Variants in USP12 observed in about 807,000 individuals in gnomAD.
USP12 encodes ubiquitin specific peptidase 12.
In USP12, 19 loss-of-function variants were observed where a neutral mutation model predicts 45.5. The ratio of observed to expected loss-of-function variants is 0.42; its 90% confidence interval spans 0.29 to 0.61. The LOEUF is 0.61. Among genes scored for constraint, USP12 ranks in the 20% least tolerant of loss-of-function variants. The pLI is 0.22. For synonymous variants in USP12, 149 were observed against 148.8 expected, an observed-to-expected ratio of 1.00 and a Z score of -0.01; for missense variants, 242 against 447.7, an observed-to-expected ratio of 0.54 and a Z score of 4.15.
chr13:27,117,054 A>G (rs1875779524), intron 1 of USP12, among the ~76,000 whole-genome samples: 1 of 152,222 alleles, frequency 6.6e-6, no homozygotes, highest in South Asian at 2.1e-4. Flanking sequence ...CACCCTGTAA[A>G]AAAAACTATC....
intron 8 of USP12, among the ~76,000 whole-genome samples, chr13:27,069,912 A>C (rs939583893): frequency 2.6e-5 from 4 of 152,204 alleles, no homozygotes; most frequent in Non-Finnish European, 4.4e-5. Flanking sequence ...GCACCCTTGC[A>C]CTCCAGCCTA....
At position 27,104,440 on chromosome 13, in the gene USP12, A is replaced by T. The variant is rs974556415; in HGVS notation, c.343+1291T>A. Among the ~76,000 whole-genome samples, 17 of 152,328 alleles carry T rather than the reference A, an allele frequency of 1.1e-4. No homozygotes were observed. In the South Asian group the frequency reaches 3.5e-3, roughly 32 times the overall value. On this transcript the variant is annotated intron_variant, in intron 3 of 8. Transcript: ENST00000282344. ...AAAACTTTTAAAGTTTTGTACAGAC[A>T]CACACAAAAAGACTGAGAAGACTTA...
intron 1 of USP12, among the ~76,000 whole-genome samples, chr13:27,138,773 T>C (rs1395242012): frequency 6.6e-6 from 1 of 152,218 alleles, no homozygotes; most frequent in East Asian, 1.9e-4. Flanking sequence ...AGTGTTTGCC[T>C]TTTCAGTTAT....
intron 1 of USP12, among the ~76,000 whole-genome samples, chr13:27,122,634 A>G (rs1876048224): frequency 6.6e-6 from 1 of 152,090 alleles, no homozygotes; most frequent in South Asian, 2.1e-4. Flanking sequence ...CCTGGATGAC[A>G]GAGTGAGACC....
At chr13:27,152,911 C>T (rs992578228) in intron 1 of USP12, among the ~76,000 whole-genome samples, 1 of 147,498 alleles carries the variant, frequency 6.8e-6, no homozygotes, top group African/African-American at 2.5e-5. Context: ...CACTGCACTC[C>T]AGCCTGGGTG....
intron 6 of USP12, among the ~76,000 whole-genome samples, chr13:27,086,080 G>C (rs1332098104): frequency 6.6e-6 from 1 of 150,560 alleles, no homozygotes; most frequent in African/African-American, 2.4e-5. Flanking sequence ...TGAGGTAGGA[G>C]GATCATTTAA....
intron 1 of USP12, among the ~76,000 whole-genome samples, chr13:27,165,347 T>C (rs1038416857): frequency 6.6e-6 from 1 of 152,212 alleles, no homozygotes; most frequent in Non-Finnish European, 1.5e-5. Flanking sequence ...GGGTATATAC[T>C]ACTAATAAAC....
chr13:27,154,140 C>T (rs887253706), intron 1 of USP12, among the ~76,000 whole-genome samples: 3 of 152,230 alleles, frequency 2.0e-5, no homozygotes. Context: ...AGGAAGCACA[C>T]AGCCTGAGGC....
intron 1 of USP12, among the ~76,000 whole-genome samples, chr13:27,136,610 C>G (rs1876816396): frequency 6.6e-6 from 1 of 152,140 alleles, no homozygotes; most frequent in South Asian, 2.1e-4. Context: ...TTTGTAGAGT[C>G]AACTCACGTT....
At chr13:27,089,669 C>T (rs1261501334) in intron 6 of USP12, 2 of 500,334 alleles carry the variant, frequency 4.0e-6, no homozygotes, top group African/African-American at 3.8e-5. Flanking sequence ...AATCGCTAGA[C>T]ATAGGAAATC....
chr13:27,103,598 C>CAAAA (rs376135830), intron 3 of USP12, among the ~76,000 whole-genome samples: 13 of 128,734 alleles, frequency 1.0e-4, no homozygotes, highest in African/African-American at 2.9e-4. Flanking sequence ...ATTGAACTAT[C>CAAAA]AAAAAAAAAA....
rs970462877 is a variant in USP12 at position 27,068,493 on chromosome 13, A to C, written c.*790T>G. 3 of 152,432 alleles carry C rather than the reference A, an allele frequency of 2.0e-5. No homozygotes were observed. Among genetic ancestry groups the C allele is most frequent in the Non-Finnish European group, 2.9e-5 (2 of 68,046 alleles). 9.4% of individuals were successfully genotyped at this position (152,432 alleles called of 1,614,324 possible). A position where few individuals can be genotyped will look rare whatever the true frequency, so the allele number is the denominator to read the frequency against. On this transcript the variant is annotated 3_prime_UTR_variant, in exon 9 of 9. Coordinates refer to ENST00000282344, the MANE Select transcript of USP12 (RefSeq NM_182488.4). ...AAATTAAAATTCACCTTAAAAATAG[A>C]AACAAACAAAAGGACAACTTAAACT... is the stretch of plus-strand genomic sequence containing the variant.
intron 1 of USP12, among the ~76,000 whole-genome samples, chr13:27,145,347 T>G (rs910083753): frequency 6.6e-6 from 1 of 152,176 alleles, no homozygotes; most frequent in Non-Finnish European, 1.5e-5. Flanking sequence ...AAACACACCT[T>G]ACCCATTTGG....
At chr13:27,142,228 T>C (rs1877097421) in intron 1 of USP12, among the ~76,000 whole-genome samples, 1 of 151,988 alleles carries the variant, frequency 6.6e-6, no homozygotes, top group Non-Finnish European at 1.5e-5. Context: ...CTGAATCTAA[T>C]CATGAAGAAA....
intron 3 of USP12, among the ~76,000 whole-genome samples, chr13:27,096,188 ACAACCATT>A (rs1188097860): frequency 6.6e-6 from 1 of 152,238 alleles, no homozygotes; most frequent in Non-Finnish European, 1.5e-5. Context: ...CAGAAGTTGG[ACAACCATT>A]TGCCAATGCC....
chr13:27,134,564 C>T (rs768519965), intron 1 of USP12, among the ~76,000 whole-genome samples: 7 of 151,924 alleles, frequency 4.6e-5, no homozygotes, highest in Non-Finnish European at 8.8e-5. Flanking sequence ...ACAAAATATA[C>T]TCTCTCAATT....
chr13:27,090,254 A>C, intron 4 of USP12, 96 bp from the exon 5 acceptor site: 3 of 976,480 alleles, frequency 3.1e-6, no homozygotes, highest in Non-Finnish European at 3.0e-6. Flanking sequence ...ATTATCAGTA[A>C]GTAAACAATT....
chr13:27,121,991 T>G (rs1392920272), intron 1 of USP12, among the ~76,000 whole-genome samples: 1 of 152,062 alleles, frequency 6.6e-6, no homozygotes, highest in African/African-American at 2.4e-5. Context: ...TAAAAAGAAC[T>G]AAATACAACT....
intron 2 of USP12, among the ~76,000 whole-genome samples, chr13:27,114,615 A>C (rs1026352129): frequency 6.6e-6 from 1 of 152,218 alleles, no homozygotes; most frequent in Non-Finnish European, 1.5e-5. Flanking sequence ...GTAAGCTGCC[A>C]TAAGAGCCAT....
Sources: gnomAD v4.1 joint callset for allele counts (sites outside exome capture counted in the v4.1 genomes callset) on GRCh38, gnomAD v4.1.1 for gene constraint, MANE v1.5 for transcripts, NCBI Gene and HGNC (gene_info 2026-07-23, HGNC 2026-07-21) for gene names.